Variants in ADAMTS6 observed in about 807,000 individuals in gnomAD.
ADAMTS6 encodes the protein A disintegrin and metalloproteinase with thrombospondin motifs 6.
A neutral mutation model predicts 144.3 loss-of-function variants in ADAMTS6; 23 were observed. That is an observed-to-expected ratio of 0.16 (90% CI 0.11 to 0.23). ADAMTS6 has a LOEUF of 0.23. Among genes scored for constraint, ADAMTS6 ranks in the 10% least tolerant of loss-of-function variants. The pLI is 1.00. For missense variants in ADAMTS6, 999 were observed against 1,379.6 expected (o/e 0.72, Z 4.37); for synonymous variants, 444 against 457.5 (o/e 0.97, Z 0.38).
rs188105646 is a variant in ADAMTS6, at chr5:65,480,732, G to A, written c.-280+611C>T. On this transcript the variant is annotated intron_variant, in intron 1 of 24. Transcript: ENST00000381055. ...TATACAGACCTACCCCGATAAACAA[G>A]GCTCCGGAGGGTTATGAGTCTAGCA... 3.3e-4 allele frequency among the ~76,000 whole-genome samples: 50 copies of A among 152,204 alleles called. No individual in the cohort carries two copies. The East Asian group carries it at 8.9e-3, about 27-fold the overall frequency.
intron 7 of ADAMTS6, among the ~76,000 whole-genome samples, chr5:65,335,614 C>T (rs1450485991): frequency 2.6e-5 from 4 of 151,976 alleles, no homozygotes; most frequent in African/African-American, 9.7e-5. Context: ...TACCAGTTTG[C>T]TGAACATTTA....
chr5:65,215,566 G>C lies in ADAMTS6; in HGVS notation c.2273-79C>G, dbSNP rs1322275775. On this transcript the variant is annotated intron_variant, in intron 18 of 24. Coordinates refer to ENST00000381055, the MANE Select transcript of ADAMTS6 (RefSeq NM_197941.4). Reference sequence around the variant, plus strand: ...GTCACTGATTAATTACTGCAATAAAGTATACAATGAATACCGATTTCCATT... The same window carrying C: ...GTCACTGATTAATTACTGCAATAAACTATACAATGAATACCGATTTCCATT... 28 of 1,262,840 alleles carry C rather than the reference G, an allele frequency of 2.2e-5. No individual in the cohort carries two copies. In the Admixed American group the frequency reaches 6.2e-4, roughly 28 times the overall value. The allele number at this position is 1,262,840 out of a possible 1,614,324, so 78.2% of individuals were successfully genotyped here.
At chr5:65,351,646 G>A (rs1748854938) in intron 7 of ADAMTS6, among the ~76,000 whole-genome samples, 2 of 152,146 alleles carry the variant, frequency 1.3e-5, no homozygotes, top group African/African-American at 4.8e-5. Flanking sequence ...CAGTGGTACA[G>A]TGGTGTGAGC....
chr5:65,279,703 T>C (rs929297029), intron 11 of ADAMTS6, among the ~76,000 whole-genome samples: 1 of 152,236 alleles, frequency 6.6e-6, no homozygotes, highest in Non-Finnish European at 1.5e-5. Context: ...TCTAAAAAAC[T>C]ATTAGTTATT....
chr5:65,312,624 A>C (rs996149789), intron 9 of ADAMTS6, among the ~76,000 whole-genome samples: 2 of 152,084 alleles, frequency 1.3e-5, no homozygotes, highest in Non-Finnish European at 2.9e-5. Flanking sequence ...GGTGGTGCCT[A>C]GCAGAATCTA....
chr5:65,290,606 AT>A (rs934918248), intron 11 of ADAMTS6, among the ~76,000 whole-genome samples: 1 of 152,104 alleles, frequency 6.6e-6, no homozygotes, highest in Admixed American at 6.5e-5. Context: ...TTAAATCTGA[AT>A]TTTTTTGGTA....
chr5:65,186,008 G>A (rs1754658589), intron 22 of ADAMTS6, among the ~76,000 whole-genome samples: 2 of 152,106 alleles, frequency 1.3e-5, no homozygotes, highest in South Asian at 4.1e-4. Flanking sequence ...CTTATGAAGG[G>A]TGATATAGTA....
intron 7 of ADAMTS6, among the ~76,000 whole-genome samples, chr5:65,409,247 C>T (rs571829381): frequency 2.0e-5 from 3 of 151,836 alleles, no homozygotes; most frequent in Non-Finnish European, 2.9e-5. Context: ...ACTGATAGAC[C>T]GCTAGCAAGA....
Position 65,428,224 on chromosome 5 carries a change from T to C in ADAMTS6, c.1073+23251A>G, listed in dbSNP as rs996088327. On this transcript the variant is annotated intron_variant, in intron 7 of 24. Transcript: ENST00000381055. The stretch of plus-strand genomic sequence containing the variant: ...CTGCGCAACAGAGTGAGACTCCATC[T>C]CAAAAAAAAAAAAAAAAAAAAAAGT... Among the ~76,000 whole-genome samples, 16 of 72,522 alleles carry C rather than the reference T, an allele frequency of 2.2e-4. No individual in the cohort carries two copies. The Admixed American group carries it at 2.4e-3, about 11-fold the overall frequency. The allele number at this position is 72,522 out of a possible 152,430, so 47.6% of individuals were successfully genotyped here.
chr5:65,243,553 T>A (rs557090572), intron 14 of ADAMTS6, among the ~76,000 whole-genome samples: 1 of 152,236 alleles, frequency 6.6e-6, no homozygotes, highest in South Asian at 2.1e-4. Context: ...TAGTGATTAA[T>A]CTTGTTAAAT....
intron 7 of ADAMTS6, among the ~76,000 whole-genome samples, chr5:65,367,699 A>G (rs1332658433): frequency 6.6e-6 from 1 of 151,838 alleles, no homozygotes; most frequent in Non-Finnish European, 1.5e-5. Flanking sequence ...TCACGATCCA[A>G]CTTCTCCTTT....
rs186939728 is a variant in ADAMTS6, at chr5:65,279,065, C to T, written c.1513-5618G>A. Among the ~76,000 whole-genome samples, 364 of 151,902 alleles carry T rather than the reference C, an allele frequency of 2.4e-3. 4 individuals carry two copies. In the Middle Eastern group the frequency reaches 0.034, roughly 14 times the overall value. ...CTCAAGTGATCCTCCCACCTCATCC[C>T]CCAAAGTAGCTGGGACTACAAGCAC... On this transcript the variant is annotated intron_variant, in intron 11 of 24. Transcript: ENST00000381055.
chr5:65,357,539 TA>T (rs1362226093), intron 7 of ADAMTS6, among the ~76,000 whole-genome samples: 3 of 149,368 alleles, frequency 2.0e-5, no homozygotes, highest in Non-Finnish European at 4.5e-5. Flanking sequence ...AAAAAAACAA[TA>T]AAAAAGATCA....
intron 9 of ADAMTS6, among the ~76,000 whole-genome samples, chr5:65,323,597 T>C (rs1407365833): frequency 1.3e-5 from 2 of 151,998 alleles, no homozygotes; most frequent in African/African-American, 2.4e-5. Context: ...TGTGTCTTTA[T>C]AGCAGCATGA....
chr5:65,307,816 A>G (rs1440033961), intron 9 of ADAMTS6, among the ~76,000 whole-genome samples: 1 of 152,220 alleles, frequency 6.6e-6, no homozygotes. Flanking sequence ...TCCCAGTCTG[A>G]GAAACTAAAC....
At chr5:65,368,791 A>T (rs1202562698) in intron 7 of ADAMTS6, among the ~76,000 whole-genome samples, 1 of 152,188 alleles carries the variant, frequency 6.6e-6, no homozygotes. Context: ...TTGGTGGCTC[A>T]CACCTGTAAT....
intron 7 of ADAMTS6, among the ~76,000 whole-genome samples, chr5:65,355,520 C>A (rs745950956): frequency 6.6e-6 from 1 of 151,836 alleles, no homozygotes; most frequent in Non-Finnish European, 1.5e-5. Context: ...GTAAAGATAA[C>A]CTTTCTCTCA....
In ADAMTS6 at chr5:65,214,512, A is replaced by G. The variant is rs1756767218; in HGVS notation, c.2575+282T>C. 3 of 482,604 alleles carry G rather than the reference A, an allele frequency of 6.2e-6. No homozygotes were observed. Among genetic ancestry groups the G allele is most frequent in the Non-Finnish European group, 1.1e-5 (3 of 264,744 alleles). The allele number at this position is 482,604 out of a possible 1,614,324, so 29.9% of individuals were successfully genotyped here. On this transcript the variant is annotated intron_variant, in intron 20 of 24. Transcript: ENST00000381055. The surrounding 1 kb of genome is among the most constrained non-coding windows in gnomAD (Gnocchi z 4.6). ...TCTTTACCAAGAATGTGTTCACGAA[A>G]GGCAAACAGCCCACCTTCAAGATAG...
chr5:65,369,255 C>T (rs142409501), intron 7 of ADAMTS6, among the ~76,000 whole-genome samples: 20 of 152,102 alleles, frequency 1.3e-4, no homozygotes, highest in East Asian at 3.9e-4. Flanking sequence ...GAAATAATTA[C>T]GCCAAAATTT....
Sources: allele counts gnomAD v4.1 joint callset (sites outside exome capture counted in the v4.1 genomes callset), GRCh38; gene constraint gnomAD v4.1.1; non-coding constraint Gnocchi (gnomAD v3.1); transcripts MANE v1.5; gene names NCBI Gene and HGNC (gene_info 2026-07-23, HGNC 2026-07-21).